CUBN: variants seen among roughly 807,000 people sequenced by gnomAD.
The protein encoded by CUBN is 460 kDa receptor.
CUBN carries 282 observed loss-of-function variants against 405.3 expected under a neutral mutation model. That is an observed-to-expected ratio of 0.70 (90% CI 0.63 to 0.77). CUBN has a LOEUF of 0.77. Among genes scored for constraint, CUBN ranks in the 30% least tolerant of loss-of-function variants. The probability of loss-of-function intolerance (pLI) is 0.00; values close to 1 mark genes in which losing one functional copy is unlikely to be tolerated. For synonymous variants in CUBN, 1,684 were observed against 1,617.0 expected (o/e 1.04, Z -0.99); for missense variants, 4,514 against 4,475.2 (o/e 1.01, Z -0.25).
intron 17 of CUBN, among the ~76,000 whole-genome samples, chr10:17,075,243 C>T (rs1445011215): frequency 1.3e-5 from 2 of 151,656 alleles, no homozygotes; most frequent in Admixed American, 6.6e-5. Context: ...GCCACCACGC[C>T]CAGCTAATTT....
chr10:16,907,670 C>A lies in CUBN; in HGVS notation c.7543G>T (p.Gly2515Cys), dbSNP rs770885580. 2.5e-6 allele frequency: 4 copies of A among 1,611,916 alleles called. No homozygotes were observed. The highest frequency in any genetic ancestry group is 3.4e-6 in the Non-Finnish European group (4 of 1,179,860). ...CNNEHVIVFN[G>C]IRSNSPQLEK... ...AGCTGGGGTGAGTTACTTCTAATGCCATTGAATACCTGTTGGAAAAAGAGT... is the reference window on the plus strand; with the variant it reads ...AGCTGGGGTGAGTTACTTCTAATGCAATTGAATACCTGTTGGAAAAAGAGT... The change falls in exon 49 of 67, where the codon GGC becomes TGC. Residue 2515 changes from glycine to cysteine, a missense_variant. Physicochemically the swap from Gly to Cys is radical, Grantham distance 159. Around this residue, in one of 5 missense-constraint regions of CUBN, gnomAD observed 1,613 missense variants for 1,542.8 expected, o/e 1.05. Transcript: ENST00000377833.
intron 17 of CUBN, among the ~76,000 whole-genome samples, chr10:17,082,144 A>AC (rs1835987837): frequency 6.6e-6 from 1 of 151,898 alleles, no homozygotes; most frequent in African/African-American, 2.4e-5. Context: ...CATTTGCATT[A>AC]TTTTTTTTAA....
chr10:17,001,549 C>T (rs111301589), intron 28 of CUBN, among the ~76,000 whole-genome samples: 105 of 152,344 alleles, frequency 6.9e-4, no homozygotes, highest in African/African-American at 2.3e-3. Flanking sequence ...TTCTCCGAGT[C>T]CCCACTGGAC....
At chr10:17,056,184 G>A (rs772980345) in intron 22 of CUBN, among the ~76,000 whole-genome samples, 1 of 152,202 alleles carries the variant, frequency 6.6e-6, no homozygotes. Context: ...GGGTGAAGGA[G>A]AATCTTTTCA....
At chr10:17,099,960 TA>T in intron 14 of CUBN, 44 bp downstream of exon 14, 1 of 1,357,686 alleles carries the variant, frequency 7.4e-7, no homozygotes, top group East Asian at 2.3e-5. Flanking sequence ...GAACACTTAA[TA>T]ACCTCAAAAT....
intron 28 of CUBN, among the ~76,000 whole-genome samples, chr10:17,012,664 A>C (rs556542808): frequency 5.3e-5 from 8 of 152,358 alleles, no homozygotes; most frequent in African/African-American, 1.9e-4. Context: ...TTTCTTTGCT[A>C]TTAATAAAAC....
chr10:16,952,566 G>T (rs1301570114), intron 32 of CUBN, among the ~76,000 whole-genome samples, 177 bp from the exon 33 acceptor site: 3 of 152,182 alleles, frequency 2.0e-5, no homozygotes, highest in Admixed American at 1.3e-4. Context: ...CAGGAGCACA[G>T]TTTATATTTT....
chr10:17,068,059 C>A lies in CUBN; in HGVS notation c.3008+5G>T. On this transcript the variant is annotated splice_donor_5th_base_variant and intron_variant, in intron 21 of 66. Coordinates refer to ENST00000377833, the MANE Select transcript of CUBN (RefSeq NM_001081.4). ...TGTTAAACAAACAAACAAACATAACCTTACCTTCCAAGGGATGTCTCAGAG... is the reference window on the plus strand; with the variant it reads ...TGTTAAACAAACAAACAAACATAACATTACCTTCCAAGGGATGTCTCAGAG... 6.2e-7 allele frequency: 1 copy of A among 1,605,166 alleles called. No individual in the cohort carries two copies. The highest frequency in any genetic ancestry group is 1.1e-5 in the South Asian group (1 of 90,852).
intron 28 of CUBN, 95 bp from the exon 29 acceptor site, chr10:16,990,610 A>G: frequency 1.0e-6 from 1 of 994,208 alleles, no homozygotes; most frequent in Non-Finnish European, 1.5e-6. Context: ...TCAAAAATAT[A>G]CAATGCTTAA....
At chr10:16,986,228 G>T (rs1833415351) in intron 29 of CUBN, among the ~76,000 whole-genome samples, 1 of 152,158 alleles carries the variant, frequency 6.6e-6, no homozygotes, top group Non-Finnish European at 1.5e-5. Flanking sequence ...CCAGGAAGGC[G>T]GCTCTCAGGG....
rs192259277 is a variant in CUBN, at chr10:16,976,234, A to G, written c.4695+6250T>C. On this transcript the variant is annotated intron_variant, in intron 31 of 66. Coordinates refer to ENST00000377833, the MANE Select transcript of CUBN (RefSeq NM_001081.4). ...TGATCCTCTTGCCTCATGCTCCCAAAGTGCTGAAATTACAGGTGTGATCTA... is the reference window on the plus strand; with the variant it reads ...TGATCCTCTTGCCTCATGCTCCCAAGGTGCTGAAATTACAGGTGTGATCTA... Among the ~76,000 whole-genome samples, 20 of 152,220 alleles carry G rather than the reference A, an allele frequency of 1.3e-4. No homozygotes were observed. The East Asian group carries it at 1.4e-3, about 10-fold the overall frequency.
chr10:17,085,481 T>C (rs1836084771), intron 16 of CUBN, 116 bp downstream of exon 16: 1 of 1,047,276 alleles, frequency 9.5e-7, no homozygotes, highest in Non-Finnish European at 1.5e-6. Flanking sequence ...TATAAAGAAA[T>C]GTTCTTGGTC....
chr10:16,866,224 TAA>T (rs1004190351), intron 59 of CUBN, among the ~76,000 whole-genome samples: 42 of 152,224 alleles, frequency 2.8e-4, no homozygotes, highest in Admixed American at 2.2e-3. Context: ...AGTAAATAAA[TAA>T]GTTTACTGAA....
At chr10:16,935,308 T>C (rs780394874) in intron 39 of CUBN, among the ~76,000 whole-genome samples, 91 of 152,010 alleles carry the variant, frequency 6.0e-4, no homozygotes, top group Non-Finnish European at 1.2e-4. Flanking sequence ...TGCACCACCA[T>C]GCCTACCTAA....
intron 27 of CUBN, 92 bp from the exon 28 acceptor site, chr10:17,020,075 G>A (rs1296650358): frequency 6.9e-7 from 1 of 1,442,410 alleles, no homozygotes; most frequent in Non-Finnish European, 9.7e-7. Context: ...GCTGTTCCTT[G>A]GTTCAAAAGT....
At chr10:16,873,933 G>C (rs1840429403) in intron 58 of CUBN, among the ~76,000 whole-genome samples, 1 of 152,086 alleles carries the variant, frequency 6.6e-6, no homozygotes, top group African/African-American at 2.4e-5. Context: ...TCCCAATCTA[G>C]AATCTATATA....
intron 66 of CUBN, among the ~76,000 whole-genome samples, chr10:16,826,977 C>G (rs756277651): frequency 2.0e-5 from 3 of 152,136 alleles, no homozygotes; most frequent in Non-Finnish European, 4.4e-5. Flanking sequence ...TGTCTAAGAG[C>G]TGATTAGCTT....
chr10:16,977,272 T>C (rs1452147833), intron 31 of CUBN, among the ~76,000 whole-genome samples: 1 of 152,060 alleles, frequency 6.6e-6, no homozygotes, highest in Non-Finnish European at 1.5e-5. Context: ...ACACCCAAAT[T>C]TTGCCTTTTG....
intron 34 of CUBN, among the ~76,000 whole-genome samples, 187 bp from the exon 35 acceptor site, chr10:16,948,793 T>C (rs1842850548): frequency 6.6e-6 from 1 of 152,002 alleles, no homozygotes. Context: ...AAACTATATA[T>C]AGGAGCTATA....
Sources: allele counts gnomAD v4.1 joint callset (sites outside exome capture counted in the v4.1 genomes callset), GRCh38; gene constraint gnomAD v4.1.1; regional missense constraint gnomAD v4.1.1; transcripts MANE v1.5; gene names NCBI Gene and HGNC (gene_info 2026-07-23, HGNC 2026-07-21).